The following CEP55 variants were observed in gnomAD, a reference collection of about 807,000 sequenced individuals.
CEP55 encodes centrosomal protein of 55 kDa.
CEP55 carries 57 observed loss-of-function variants against 63.2 expected under a neutral mutation model. The observed-to-expected ratio is 0.90, with a 90% CI of 0.73 to 1.13. CEP55 has a LOEUF of 1.13. CEP55 is among the 50% of genes most tolerant of loss of function. CEP55 has a pLI of 0.00. For synonymous variants in CEP55, 178 were observed against 191.6 expected (o/e 0.93, Z 0.59); for missense variants, 456 against 518.9 (o/e 0.88, Z 1.18).
Position 93,505,163 on chromosome 10 carries a change from C to T in CEP55, c.459+1775C>T, listed in dbSNP as rs553864496. ...TCTTATAATAATTTTGTGGGCTACT[C>T]GTATTGATTTCTTTATTAACTAGTA... On this transcript the variant is annotated intron_variant, in intron 3 of 8. Coordinates refer to ENST00000371485, the MANE Select transcript of CEP55 (RefSeq NM_018131.5). Among the ~76,000 whole-genome samples, 10 of 152,258 alleles carry T rather than the reference C, an allele frequency of 6.6e-5. No individual in the cohort carries two copies. The Middle Eastern group carries it at 0.014, about 207-fold the overall frequency.
rs554234979 is a variant in CEP55 at position 93,512,226 on chromosome 10, C to CAAAAAAAAA, written c.529-3173_529-3165dup. 3.1e-3 allele frequency among the ~76,000 whole-genome samples: 376 copies of CAAAAAAAAA among 120,164 alleles called. 15 individuals carry two copies. Among genetic ancestry groups the CAAAAAAAAA allele is most frequent in the East Asian group, 5.6e-3 (22 of 3,898 alleles). The allele number at this position is 120,164 out of a possible 152,430, so 78.8% of individuals were successfully genotyped here. On this transcript the variant is annotated intron_variant, in intron 4 of 8. Coordinates refer to ENST00000371485, the MANE Select transcript of CEP55 (RefSeq NM_018131.5). ...GGGGCCACAGAGCGAGACTCCGTTT[C>CAAAAAAAAA]AAAAAAAAAAAAAATTGGCCGGGCT...
intron 8 of CEP55, among the ~76,000 whole-genome samples, chr10:93,527,634 G>A (rs1191621186): frequency 6.6e-6 from 1 of 152,150 alleles, no homozygotes; most frequent in African/African-American, 2.4e-5. Context: ...GGGAGGCTGA[G>A]GTGGGCAGAT....
intron 8 of CEP55, among the ~76,000 whole-genome samples, chr10:93,523,703 A>G (rs1036643587): frequency 9.9e-5 from 15 of 152,218 alleles, no homozygotes; most frequent in African/African-American, 3.4e-4. Flanking sequence ...AACACTCCTC[A>G]GCAAATGTAA....
chr10:93,518,405 C>T (rs951485813), intron 6 of CEP55, among the ~76,000 whole-genome samples: 1 of 152,196 alleles, frequency 6.6e-6, no homozygotes, highest in Non-Finnish European at 1.5e-5. Flanking sequence ...CTGCCTTGGC[C>T]TCCCAAAGTG....
rs2057650590 is a variant in CEP55, at chr10:93,503,131, G to T, written c.202G>T (p.Ala68Ser). The T allele has an allele frequency of 6.2e-7, 1 of 1,613,430 alleles. No homozygotes were observed. The highest frequency in any genetic ancestry group is 1.3e-5 in the African/African-American group (1 of 74,888). Residue 68 changes from alanine (A) to serine (S), a missense_variant, in exon 3 of 9, where the codon GCT becomes TCT. Coordinates refer to ENST00000371485, the MANE Select transcript of CEP55 (RefSeq NM_018131.5). Reference protein sequence around the residue: ...RLLEKIRVLEAEKEKNAYQLT... With the variant: ...RLLEKIRVLESEKEKNAYQLT... The stretch of plus-strand genomic sequence containing the variant: ...TGTCTAGAAAATTCGAGTCCTTGAG[G>T]CTGAGAAGGAGAAGAATGCTTATCA...
chr10:93,498,747 T>G (rs1408194347), intron 1 of CEP55, among the ~76,000 whole-genome samples: 1 of 152,208 alleles, frequency 6.6e-6, no homozygotes. Flanking sequence ...GAACCCTTGT[T>G]TGTTTCCTTG....
chr10:93,519,576 A>G, intron 7 of CEP55, 106 bp from the exon 8 acceptor site: 1 of 1,254,752 alleles, frequency 8.0e-7, no homozygotes, highest in Non-Finnish European at 1.1e-6. Context: ...CTACGATGGT[A>G]CAATAAATAT....
In CEP55 at chr10:93,515,523, TC is replaced by T; in HGVS notation, c.650del (p.Pro217HisfsTer39). On this transcript the variant is annotated frameshift_variant, in exon 5 of 9. Transcript: ENST00000371485. LOFTEE classifies it high-confidence loss of function. ...EKKTETAAHS[L>X]PQQTKKPESE... is the part of the protein sequence containing the mutation. ...AAAACGGAAACAGCTGCTCATTCAC[TC>T]CCACAGCAGACAAAAAAGCCTGAAT... 1.2e-6 allele frequency: 2 copies of T among 1,613,650 alleles called. No individual in the cohort carries two copies. Among genetic ancestry groups the T allele is most frequent in the Non-Finnish European group, 1.7e-6 (2 of 1,179,634 alleles).
chr10:93,509,911 C>T (rs1303673502), intron 4 of CEP55, among the ~76,000 whole-genome samples: 2 of 152,214 alleles, frequency 1.3e-5, no homozygotes, highest in Admixed American at 1.3e-4. Flanking sequence ...AGAGACATCT[C>T]ACTTCTTGCA....
rs1331268577 is a variant in CEP55, at chr10:93,527,075, A to C, written c.1192-875A>C. 4.3e-5 allele frequency among the ~76,000 whole-genome samples: 3 copies of C among 69,840 alleles called. No individual in the cohort carries two copies. The Admixed American group carries it at 5.5e-4, about 13-fold the overall frequency. 45.8% of individuals were successfully genotyped at this position (69,840 alleles called of 152,430 possible). ...TGTGCACATGTACCCTAAAACTTAA[A>C]GTATAATTAAAAAAAAAAAAGAATT... On this transcript the variant is annotated intron_variant, in intron 8 of 8. Coordinates refer to ENST00000371485, the MANE Select transcript of CEP55 (RefSeq NM_018131.5).
At position 93,503,371 on chromosome 10, in the gene CEP55, A is replaced by G. The variant is rs1305643571; in HGVS notation, c.442A>G (p.Thr148Ala). ...TGCTGAACTTGAAAGCAAAACCAAT[A>G]CACTCCGTTTATCACAGGTGCTAAT... ...RIAELESKTN[T>A]LRLSQTVAPN... The change falls in exon 3 of 9, where the codon ACA becomes GCA. Residue 148 changes from threonine to alanine, a missense_variant. Coordinates refer to ENST00000371485, the MANE Select transcript of CEP55 (RefSeq NM_018131.5). 6.2e-7 allele frequency: 1 copy of G among 1,613,614 alleles called. No homozygotes were observed. The highest frequency in any genetic ancestry group is 1.3e-5 in the African/African-American group (1 of 75,014).
chr10:93,496,760 T>C lies in CEP55; in HGVS notation c.-176T>C, dbSNP rs1000112075. 1 of 152,248 alleles carries C rather than the reference T, an allele frequency of 6.6e-6. No homozygotes were observed. Among genetic ancestry groups the C allele is most frequent in the African/African-American group, 2.4e-5 (1 of 41,460 alleles). The allele number at this position is 152,248 out of a possible 1,614,324, so 9.4% of individuals were successfully genotyped here. ...ACCCGCAGCCCCGGGGCCGGGCCGGTCCGGACCGCCAGGGAGGGCAGGTCA... is the reference window on the plus strand; with the variant it reads ...ACCCGCAGCCCCGGGGCCGGGCCGGCCCGGACCGCCAGGGAGGGCAGGTCA... On this transcript the variant is annotated 5_prime_UTR_variant, in exon 1 of 9. Coordinates refer to ENST00000371485, the MANE Select transcript of CEP55 (RefSeq NM_018131.5).
Position 93,527,897 on chromosome 10 carries a change from A to AT in CEP55, c.1192-53_1192-52insT, listed in dbSNP as rs397695079. ...CTGCCTCAAAAAAAGAAAAAAAAAA[A>AT]GCTGAACATTGGCCCTATTTACAAA... is the stretch of plus-strand genomic sequence containing the variant. On this transcript the variant is annotated intron_variant, in intron 8 of 8. Coordinates refer to ENST00000371485, the MANE Select transcript of CEP55 (RefSeq NM_018131.5). The AT allele has an allele frequency of 4.7e-6, 7 of 1,492,692 alleles. No homozygotes were observed. In the African/African-American group the frequency reaches 7.1e-5, roughly 15 times the overall value. 92.5% of individuals were successfully genotyped at this position (1,492,692 alleles called of 1,614,324 possible).
chr10:93,502,779 G>A (rs2057647225), intron 2 of CEP55, among the ~76,000 whole-genome samples: 2 of 152,180 alleles, frequency 1.3e-5, no homozygotes, highest in African/African-American at 4.8e-5. Context: ...CAGTGTTATG[G>A]AAGAATGATT....
At chr10:93,506,629 G>A (rs991977722) in intron 3 of CEP55, among the ~76,000 whole-genome samples, 2 of 151,668 alleles carry the variant, frequency 1.3e-5, no homozygotes, top group African/African-American at 4.8e-5. Context: ...GTGCAGTGGC[G>A]CAATCTCGGC....
At chr10:93,505,791 G>A (rs1304861326) in intron 3 of CEP55, among the ~76,000 whole-genome samples, 1 of 152,080 alleles carries the variant, frequency 6.6e-6, no homozygotes, top group South Asian at 2.1e-4. Context: ...ATGAAGAGGA[G>A]AGAAATAATT....
At chr10:93,518,361 G>C (rs1023631759) in intron 6 of CEP55, among the ~76,000 whole-genome samples, 6 of 152,016 alleles carry the variant, frequency 3.9e-5, no homozygotes, top group Non-Finnish European at 8.8e-5. Context: ...TGTTGGCCAG[G>C]CTGGTCTCAA....
rs74150252 is a variant in CEP55 at position 93,519,842 on chromosome 10, C to T, written c.1191+35C>T. The stretch of plus-strand genomic sequence containing the variant: ...GAATGATTAAACTAAAATTTGTCTT[C>T]GTCTTCCATTTATATACCAAATCAG... On this transcript the variant is annotated intron_variant, in intron 8 of 8. Coordinates refer to ENST00000371485, the MANE Select transcript of CEP55 (RefSeq NM_018131.5). 11,532 of 1,611,486 alleles carry T rather than the reference C, an allele frequency of 7.2e-3. 309 individuals carry two copies. The African/African-American group carries it at 0.083, about 12-fold the overall frequency.
At chr10:93,515,314 TG>T in intron 4 of CEP55, 90 bp from the exon 5 acceptor site, 1 of 1,216,838 alleles carries the variant, frequency 8.2e-7, no homozygotes. Context: ...GAGTTTTTGT[TG>T]GAAAAGACTA....
Sources: gnomAD v4.1 joint callset for allele counts (sites outside exome capture counted in the v4.1 genomes callset) on GRCh38, gnomAD v4.1.1 for gene constraint, MANE v1.5 for transcripts, NCBI Gene and HGNC (gene_info 2026-07-23, HGNC 2026-07-21) for gene names.